The following GBE1 variants were observed in gnomAD, a reference collection of about 807,000 sequenced individuals.
GBE1 encodes 1,4-alpha-glucan-branching enzyme.
GBE1 carries 70 observed loss-of-function variants against 88.8 expected under a neutral mutation model. The ratio of observed to expected loss-of-function variants is 0.79; its 90% confidence interval spans 0.65 to 0.96. The LOEUF (loss-of-function observed/expected upper bound fraction) is 0.96, where lower values mean the gene tolerates loss of function less well. GBE1 is among the 40% of genes least tolerant of loss of function. The probability of loss-of-function intolerance (pLI) is 0.00; values close to 1 mark genes in which losing one functional copy is unlikely to be tolerated. For synonymous variants in GBE1, 284 were observed against 300.1 expected, an observed-to-expected ratio of 0.95 and a Z score of 0.56; for missense variants, 872 against 871.0, an observed-to-expected ratio of 1.00 and a Z score of -0.01.
At chr3:81,514,608 A>G (rs1405135396) in intron 14 of GBE1, among the ~76,000 whole-genome samples, 3 of 151,552 alleles carry the variant, frequency 2.0e-5, no homozygotes, top group Non-Finnish European at 4.4e-5. Flanking sequence ...AATATTTCCA[A>G]CTTTCTCTGA....
chr3:81,686,581 A>G (rs1378393065), intron 2 of GBE1, among the ~76,000 whole-genome samples: 1 of 152,032 alleles, frequency 6.6e-6, no homozygotes, highest in East Asian at 1.9e-4. Flanking sequence ...ACACGGAGAA[A>G]CCCCATCTCT....
intron 14 of GBE1, among the ~76,000 whole-genome samples, chr3:81,528,141 C>T (rs1167785746): frequency 6.7e-6 from 1 of 149,546 alleles, no homozygotes; most frequent in Non-Finnish European, 1.5e-5. Flanking sequence ...ACTGCATGTT[C>T]TCACTCACAG....
Position 81,732,325 on chromosome 3 carries a change from G to C in GBE1, c.144-26712C>G, listed in dbSNP as rs371322973. 1.6e-4 allele frequency among the ~76,000 whole-genome samples: 24 copies of C among 152,162 alleles called. No homozygotes were observed. The South Asian group carries it at 1.7e-3, about 11-fold the overall frequency. On this transcript the variant is annotated intron_variant, in intron 1 of 15. Coordinates refer to ENST00000429644, the MANE Select transcript of GBE1 (RefSeq NM_000158.4). ...AAACATATGCAGCAAGTCCACATCC[G>C]ACTAAAATCCCAGATTCACATATAT...
intron 15 of GBE1, among the ~76,000 whole-genome samples, chr3:81,493,610 G>A (rs899798293): frequency 9.9e-5 from 15 of 150,950 alleles, no homozygotes; most frequent in South Asian, 6.3e-4. Flanking sequence ...TTGGCTCACC[G>A]CAGCCTCTGC....
At chr3:81,743,919 TTAACA>T (rs907738123) in intron 1 of GBE1, among the ~76,000 whole-genome samples, 14 of 152,138 alleles carry the variant, frequency 9.2e-5, no homozygotes, top group Non-Finnish European at 1.9e-4. Flanking sequence ...ATGTTTACAC[TTAACA>T]TATCATCTAC....
At chr3:81,687,359 G>A (rs1043207760) in intron 2 of GBE1, among the ~76,000 whole-genome samples, 1 of 152,156 alleles carries the variant, frequency 6.6e-6, no homozygotes, top group Non-Finnish European at 1.5e-5. Flanking sequence ...TCAAAGTATG[G>A]ATCTGTGACA....
chr3:81,708,049 A>T (rs1705803475), intron 1 of GBE1, among the ~76,000 whole-genome samples: 1 of 152,152 alleles, frequency 6.6e-6, no homozygotes, highest in South Asian at 2.1e-4. Context: ...TAAAACTATA[A>T]TTTTTCACAT....
intron 2 of GBE1, among the ~76,000 whole-genome samples, chr3:81,685,090 T>A (rs1405250602): frequency 6.6e-6 from 1 of 151,856 alleles, no homozygotes; most frequent in Non-Finnish European, 1.5e-5. Context: ...ACACATAGAG[T>A]AAGAAAATAA....
Position 81,577,915 on chromosome 3 carries a change from TCA to T in GBE1, c.1618+8_1618+9del. The T allele has an allele frequency of 6.3e-7, 1 of 1,581,998 alleles. No homozygotes were observed. Among genetic ancestry groups the T allele is most frequent in the South Asian group, 1.2e-5 (1 of 82,706 alleles). On this transcript the variant is annotated splice_region_variant and intron_variant, in intron 12 of 15. Coordinates refer to ENST00000429644, the MANE Select transcript of GBE1 (RefSeq NM_000158.4). ...AACACAAATTGCATATGTGTTTAAC[TCA>T]CACTTACCCATGAAATTGAGATAGC...
intron 12 of GBE1, among the ~76,000 whole-genome samples, chr3:81,575,118 T>C (rs747852414): frequency 6.6e-6 from 1 of 151,150 alleles, no homozygotes; most frequent in Non-Finnish European, 1.5e-5. Context: ...TGAGCAGAGA[T>C]TGCATCACGG....
intron 12 of GBE1, among the ~76,000 whole-genome samples, chr3:81,575,278 A>T (rs1231520326): frequency 6.6e-6 from 1 of 152,196 alleles, no homozygotes; most frequent in Admixed American, 6.5e-5. Flanking sequence ...GAATAAAAAA[A>T]TACAAATCTA....
intron 2 of GBE1, among the ~76,000 whole-genome samples, chr3:81,698,319 C>T (rs1210571249): frequency 2.0e-5 from 3 of 151,896 alleles, no homozygotes; most frequent in Non-Finnish European, 4.4e-5. Flanking sequence ...TAGAAATATA[C>T]ATTCGCCCAT....
intron 14 of GBE1, among the ~76,000 whole-genome samples, chr3:81,523,835 C>T (rs1408794199): frequency 6.6e-6 from 1 of 151,746 alleles, no homozygotes; most frequent in South Asian, 2.1e-4. Flanking sequence ...AGATCTCATT[C>T]CTTTTATGGC....
intron 10 of GBE1, among the ~76,000 whole-genome samples, chr3:81,583,814 T>G (rs1021258070): frequency 6.6e-6 from 1 of 152,064 alleles, no homozygotes; most frequent in African/African-American, 2.4e-5. Context: ...CTTGTGGCAA[T>G]GAACGTGTTT....
intron 12 of GBE1, among the ~76,000 whole-genome samples, chr3:81,541,435 G>A (rs543065671): frequency 1.3e-5 from 2 of 150,704 alleles, no homozygotes; most frequent in East Asian, 2.0e-4. Flanking sequence ...AAATAATGGT[G>A]ATGGGCTGCA....
intron 1 of GBE1, among the ~76,000 whole-genome samples, chr3:81,723,710 G>A (rs962362678): frequency 1.3e-5 from 2 of 152,100 alleles, no homozygotes; most frequent in Non-Finnish European, 2.9e-5. Context: ...GAAGCATGAC[G>A]TACTCATTCT....
intron 1 of GBE1, among the ~76,000 whole-genome samples, chr3:81,740,986 A>C (rs931252069): frequency 2.0e-5 from 3 of 152,212 alleles, no homozygotes; most frequent in Non-Finnish European, 4.4e-5. Flanking sequence ...AAGAAAAAAT[A>C]GAGCACAGAG....
At chr3:81,594,529 C>T (rs1481870485) in intron 7 of GBE1, among the ~76,000 whole-genome samples, 1 of 151,798 alleles carries the variant, frequency 6.6e-6, no homozygotes, top group African/African-American at 2.4e-5. Flanking sequence ...AAAATATTTC[C>T]TCATGCTACA....
chr3:81,627,434 A>G (rs1303411825), intron 7 of GBE1, among the ~76,000 whole-genome samples: 1 of 152,218 alleles, frequency 6.6e-6, no homozygotes, highest in Non-Finnish European at 1.5e-5. Flanking sequence ...CTATGATAAT[A>G]ATGCAATCCA....
Sources: gnomAD v4.1 joint callset for allele counts (sites outside exome capture counted in the v4.1 genomes callset) on GRCh38, gnomAD v4.1.1 for gene constraint, MANE v1.5 for transcripts, NCBI Gene and HGNC (gene_info 2026-07-23, HGNC 2026-07-21) for gene names.